The following TMEM177 variants were observed in gnomAD, a reference collection of about 807,000 sequenced individuals.
TMEM177 encodes transmembrane protein 177.
TMEM177 carries 4 observed loss-of-function variants against 14.2 expected under a neutral mutation model. That is an observed-to-expected ratio of 0.28 (90% CI 0.14 to 0.64). The LOEUF (loss-of-function observed/expected upper bound fraction) is 0.64. TMEM177 is among the 30% of genes least tolerant of loss of function. The pLI is 0.82. For synonymous variants in TMEM177, 179 were observed against 174.5 expected (o/e 1.03, Z -0.20); for missense variants, 344 against 405.2 (o/e 0.85, Z 1.30).
At chr2:119,716,922 G>GA in the TMEM177 span, among the ~76,000 whole-genome samples, 4,918 of 152,284 alleles carry the variant, frequency 0.032, 261 homozygotes, top group African/African-American at 0.11. Flanking sequence ...AACAGAGGTG[G>GA]AAGTAGTGAA....
At chr2:119,705,390 C>T in the TMEM177 span, among the ~76,000 whole-genome samples, 12 of 152,184 alleles carry the variant, frequency 7.9e-5, no homozygotes, top group Non-Finnish European at 1.3e-4. Flanking sequence ...GTTGAGTAGC[C>T]TCAAGGTCTC....
the TMEM177 span, among the ~76,000 whole-genome samples, chr2:119,696,568 A>G: frequency 0.026 from 3,988 of 152,352 alleles, 55 homozygotes; most frequent in Non-Finnish European, 0.032. Flanking sequence ...ACAAGGAATA[A>G]GTCATTATAG....
chr2:119,679,812 G>T (rs1688848682), intron 1 of TMEM177, among the ~76,000 whole-genome samples: 1 of 152,208 alleles, frequency 6.6e-6, no homozygotes. Flanking sequence ...TTTGGTATAT[G>T]CTTGTAATTT....
chr2:119,705,620 G>GTGTGTGTA, the TMEM177 span, among the ~76,000 whole-genome samples: 3 of 126 alleles, frequency 0.024, no homozygotes, highest in Non-Finnish European at 0.091. Context: ...ACTCAGATCC[G>GTGTGTGTA]TGTGTGTGTG....
Position 119,681,067 on chromosome 2 carries a change from A to G in TMEM177, c.214A>G (p.Ile72Val), listed in dbSNP as rs1324692992. 3.1e-6 allele frequency: 5 copies of G among 1,614,108 alleles called. No individual in the cohort carries two copies. In the South Asian group the frequency reaches 3.3e-5, roughly 11 times the overall value. Residue 72 changes from isoleucine to valine, a missense_variant, in exon 2 of 2, where the codon ATA becomes GTA. Physicochemically the swap from Ile to Val is conservative, Grantham distance 29 (BLOSUM62 3). Transcript: ENST00000272521. ...QSLFQEVLQDIGVPSGHCYKP... is the reference protein window; with the variant it reads ...QSLFQEVLQDVGVPSGHCYKP... ...CCTCTTCCAAGAGGTGCTACAGGAC[A>G]TAGGTGTTCCTTCAGGCCATTGCTA... is the stretch of plus-strand genomic sequence containing the variant.
chr2:119,701,873 C>G, the TMEM177 span, among the ~76,000 whole-genome samples: 163 of 152,284 alleles, frequency 1.1e-3, no homozygotes, highest in South Asian at 2.9e-3. Context: ...GTGAGCTTTT[C>G]TTGCTGTCTT....
At chr2:119,722,271 C>G in the TMEM177 span, among the ~76,000 whole-genome samples, 1 of 151,708 alleles carries the variant, frequency 6.6e-6, no homozygotes, top group African/African-American at 2.4e-5. Flanking sequence ...GTCCCAGTTA[C>G]CTAGGAGGGG....
the TMEM177 span, among the ~76,000 whole-genome samples, chr2:119,719,619 G>T: frequency 1.3e-5 from 2 of 152,180 alleles, no homozygotes; most frequent in African/African-American, 4.8e-5. Context: ...TGAGGTTGTT[G>T]TTCCCAGAAT....
At chr2:119,707,036 C>T in the TMEM177 span, among the ~76,000 whole-genome samples, 8 of 151,990 alleles carry the variant, frequency 5.3e-5, no homozygotes, top group African/African-American at 1.5e-4. Context: ...CTCAGCCTCC[C>T]GAGTAGCTGG....
chr2:119,708,501 C>T, the TMEM177 span, among the ~76,000 whole-genome samples: 1 of 152,112 alleles, frequency 6.6e-6, no homozygotes, highest in East Asian at 1.9e-4. Context: ...TTCAAATTCC[C>T]CCGATTGTTC....
chr2:119,719,444 T>C, the TMEM177 span, among the ~76,000 whole-genome samples: 1 of 152,214 alleles, frequency 6.6e-6, no homozygotes, highest in Admixed American at 6.5e-5. Flanking sequence ...AGAGTGTGAT[T>C]GCTGTAAGCC....
chr2:119,707,220 C>T, the TMEM177 span, among the ~76,000 whole-genome samples: 1 of 152,066 alleles, frequency 6.6e-6, no homozygotes, highest in South Asian at 2.1e-4. Context: ...GGAAGGATCA[C>T]CCACCCCGAG....
At chr2:119,709,742 A>G in the TMEM177 span, among the ~76,000 whole-genome samples, 8 of 152,164 alleles carry the variant, frequency 5.3e-5, no homozygotes, top group South Asian at 2.1e-4. Flanking sequence ...GGAGAATGGC[A>G]TGAACCCAGG....
chr2:119,702,096 A>G, the TMEM177 span, among the ~76,000 whole-genome samples: 1 of 152,224 alleles, frequency 6.6e-6, no homozygotes, highest in African/African-American at 2.4e-5. Context: ...TCTTGTAGCT[A>G]ATTTGTTAGT....
chr2:119,707,490 A>T, the TMEM177 span, among the ~76,000 whole-genome samples: 1 of 152,224 alleles, frequency 6.6e-6, no homozygotes, highest in South Asian at 2.1e-4. Context: ...GGTCCTTGTC[A>T]GCAGGCGAAG....
downstream of TMEM177, among the ~76,000 whole-genome samples, chr2:119,690,380 G>A (rs1689076222): frequency 6.6e-6 from 1 of 152,174 alleles, no homozygotes; most frequent in South Asian, 2.1e-4. Flanking sequence ...GGAACCATGA[G>A]CCAGTTAAAC....
chr2:119,694,961 G>C, the TMEM177 span, among the ~76,000 whole-genome samples: 1 of 152,240 alleles, frequency 6.6e-6, no homozygotes, highest in Non-Finnish European at 1.5e-5. Context: ...CTAGAAGGAC[G>C]TGTGGAGTGG....
At chr2:119,698,430 A>G in the TMEM177 span, among the ~76,000 whole-genome samples, 4 of 152,260 alleles carry the variant, frequency 2.6e-5, no homozygotes, top group Middle Eastern at 3.4e-3. Context: ...CCATACTTTG[A>G]GGTATAATTT....
chr2:119,717,331 A>C, the TMEM177 span, among the ~76,000 whole-genome samples: 1 of 145,306 alleles, frequency 6.9e-6, no homozygotes, highest in East Asian at 2.0e-4. Context: ...CTCCATCTGG[A>C]AAAAAAAAAA....
Sources: allele counts gnomAD v4.1 joint callset (sites outside exome capture counted in the v4.1 genomes callset), GRCh38; gene constraint gnomAD v4.1.1; transcripts MANE v1.5; gene names NCBI Gene and HGNC (gene_info 2026-07-23, HGNC 2026-07-21).